NEK1: variants seen among roughly 807,000 people sequenced by gnomAD.
NEK1 encodes the protein NIMA related kinase 1, also known as serine/threonine-protein kinase Nek1.
In NEK1, 137 loss-of-function variants were observed where a neutral mutation model predicts 182.1. The observed-to-expected ratio is 0.75, with a 90% CI of 0.65 to 0.87. NEK1 has a LOEUF of 0.87. Among genes scored for constraint, NEK1 ranks in the 40% least tolerant of loss-of-function variants. The pLI is 0.00. For synonymous variants in NEK1, 513 were observed against 492.2 expected, an observed-to-expected ratio of 1.04 and a Z score of -0.56; for missense variants, 1,391 against 1,494.4, an observed-to-expected ratio of 0.93 and a Z score of 1.14.
At chr4:169,480,669 G>C (rs1747826360) in intron 23 of NEK1, among the ~76,000 whole-genome samples, 1 of 152,148 alleles carries the variant, frequency 6.6e-6, no homozygotes, top group South Asian at 2.1e-4. Context: ...CTTAAAATAA[G>C]ACAAAAATGA....
chr4:169,494,162 A>G (rs1376504834), intron 23 of NEK1, among the ~76,000 whole-genome samples: 2 of 151,492 alleles, frequency 1.3e-5, no homozygotes, highest in African/African-American at 4.9e-5. Flanking sequence ...GGTTTGTTAC[A>G]TATGTATACA....
intron 19 of NEK1, among the ~76,000 whole-genome samples, chr4:169,518,291 G>T (rs1213677829): frequency 1.5e-4 from 5 of 34,088 alleles, no homozygotes; most frequent in Non-Finnish European, 2.4e-4. Context: ...GTTTATTTGC[G>T]TAGAGGTGTT....
intron 31 of NEK1, among the ~76,000 whole-genome samples, chr4:169,420,397 A>G (rs1735285900): frequency 6.6e-6 from 1 of 152,228 alleles, no homozygotes; most frequent in Non-Finnish European, 1.5e-5. Flanking sequence ...CATGCAGTCA[A>G]TTATTATTGT....
In NEK1 at chr4:169,479,499, AG is replaced by A. The variant is rs774874735; in HGVS notation, c.2042del (p.Ser681PhefsTer18). The A allele has an allele frequency of 6.2e-7, 1 of 1,610,832 alleles. No homozygotes were observed. The highest frequency in any genetic ancestry group is 1.7e-5 in the Admixed American group (1 of 59,754). On this transcript the variant is annotated frameshift_variant, in exon 24 of 36. Coordinates refer to ENST00000507142, the MANE Select transcript of NEK1 (RefSeq NM_001199397.3). LOFTEE classifies it high-confidence loss of function. ...VAKGVKSSDV[S>X]PPLGQHETGG... ...CTGTTTCATGCTGTCCCAAAGGTGG[AG>A]AAACATCAGAACTCTTAACTCCTTT...
At chr4:169,514,258 G>T (rs1323956679) in intron 19 of NEK1, among the ~76,000 whole-genome samples, 1 of 152,118 alleles carries the variant, frequency 6.6e-6, no homozygotes, top group Admixed American at 6.5e-5. Context: ...AAAGTGCTGG[G>T]ATTACAGGCG....
In NEK1 at chr4:169,424,750, C is replaced by A; in HGVS notation, c.3025G>T (p.Val1009Leu). ...TTATGGAAAAATGGTTCCGGTTGCA[C>A]AGACTTATCTACATCACATTTAGAG... ...QHSKCDVDKS[V>L]QPEPFFHKVV... Residue 1009 changes from valine (V) to leucine (L), a missense_variant, in exon 31 of 36, where the codon GTG (valine) becomes TTG (leucine). By Grantham distance (32) the Val-to-Leu change is conservative. Coordinates refer to ENST00000507142, the MANE Select transcript of NEK1 (RefSeq NM_001199397.3). 2 of 1,613,844 alleles carry A rather than the reference C, an allele frequency of 1.2e-6. No individual in the cohort carries two copies. Among genetic ancestry groups the A allele is most frequent in the Non-Finnish European group, 1.7e-6 (2 of 1,179,782 alleles).
intron 31 of NEK1, among the ~76,000 whole-genome samples, chr4:169,420,303 C>G (rs943728767): frequency 6.6e-6 from 1 of 152,064 alleles, no homozygotes; most frequent in African/African-American, 2.4e-5. Flanking sequence ...TGCCTGAGGC[C>G]GTTTTACAGT....
At chr4:169,568,868 C>T (rs558081613) in intron 12 of NEK1, among the ~76,000 whole-genome samples, 6 of 146,376 alleles carry the variant, frequency 4.1e-5, no homozygotes, top group African/African-American at 1.0e-4. Context: ...ACCTGGGAGG[C>T]AGAGGTTGCA....
chr4:169,443,024 G>A (rs1433852105), intron 27 of NEK1, among the ~76,000 whole-genome samples: 1 of 151,610 alleles, frequency 6.6e-6, no homozygotes, highest in Non-Finnish European at 1.5e-5. Context: ...ATGGCAGACA[G>A]CCTGTCTCTA....
chr4:169,471,518 C>T (rs760350678), intron 26 of NEK1, among the ~76,000 whole-genome samples: 3 of 152,216 alleles, frequency 2.0e-5, no homozygotes, highest in South Asian at 4.1e-4. Flanking sequence ...GAGAGGCACC[C>T]GCCAGATGCC....
intron 5 of NEK1, among the ~76,000 whole-genome samples, chr4:169,598,446 A>AG (rs1482530503): frequency 1.3e-5 from 2 of 152,042 alleles, no homozygotes; most frequent in African/African-American, 4.8e-5. Context: ...ACTTGAACTG[A>AG]GCTTAAAAAA....
rs529949162 is a variant in NEK1, at chr4:169,557,767, T to G, written c.1267-1672A>C. Reference sequence around the variant, plus strand: ...GGGCAAATTGGCGAAACAACATCCCTGCAAATACAAAAAATTAGCCGGGCG... The same window carrying G: ...GGGCAAATTGGCGAAACAACATCCCGGCAAATACAAAAAATTAGCCGGGCG... On this transcript the variant is annotated intron_variant, in intron 16 of 35. Coordinates refer to ENST00000507142, the MANE Select transcript of NEK1 (RefSeq NM_001199397.3). 5.3e-5 allele frequency among the ~76,000 whole-genome samples: 8 copies of G among 152,032 alleles called. No individual in the cohort carries two copies. The South Asian group carries it at 6.2e-4, about 12-fold the overall frequency.
At chr4:169,562,109 TA>T in intron 13 of NEK1, 27 bp downstream of exon 13, 1 of 1,461,434 alleles carries the variant, frequency 6.8e-7, no homozygotes, top group Non-Finnish European at 9.3e-7. Flanking sequence ...TGCAAAGCTT[TA>T]AAATAACCAG....
At chr4:169,471,650 G>A (rs991558727) in intron 26 of NEK1, among the ~76,000 whole-genome samples, 3 of 152,164 alleles carry the variant, frequency 2.0e-5, no homozygotes, top group East Asian at 3.9e-4. Flanking sequence ...GATCTTGAGC[G>A]CTGTGGTGAG....
intron 19 of NEK1, among the ~76,000 whole-genome samples, chr4:169,532,982 G>GAGT (rs1470489928): frequency 6.6e-6 from 1 of 151,862 alleles, no homozygotes; most frequent in African/African-American, 2.4e-5. Context: ...GAAAAAAAAA[G>GAGT]AGTAGCTCCT....
At chr4:169,465,202 A>AC (rs1744695999) in intron 26 of NEK1, among the ~76,000 whole-genome samples, 2 of 152,246 alleles carry the variant, frequency 1.3e-5, no homozygotes, top group East Asian at 3.9e-4. Context: ...CCAGAAATAG[A>AC]CCCATAACTT....
At chr4:169,424,949 C>T in intron 30 of NEK1, 149 bp from the exon 31 acceptor site, 1 of 657,910 alleles carries the variant, frequency 1.5e-6, no homozygotes, top group African/African-American at 1.8e-5. Context: ...CAGTATATTA[C>T]CTTCTGAATA....
At chr4:169,427,526 ACT>A (rs571276108) in intron 29 of NEK1, among the ~76,000 whole-genome samples, 88 of 151,600 alleles carry the variant, frequency 5.8e-4, no homozygotes, top group Middle Eastern at 3.4e-3. Context: ...AGAGAGTCTC[ACT>A]CTGCCACCCA....
intron 18 of NEK1, among the ~76,000 whole-genome samples, chr4:169,550,695 T>G (rs1485827397): frequency 6.6e-6 from 1 of 152,254 alleles, no homozygotes; most frequent in Non-Finnish European, 1.5e-5. Context: ...AGAGTTAGAC[T>G]CCTGGATCCA....
Sources: allele counts gnomAD v4.1 joint callset (sites outside exome capture counted in the v4.1 genomes callset), GRCh38; gene constraint gnomAD v4.1.1; transcripts MANE v1.5; gene names NCBI Gene and HGNC (gene_info 2026-07-23, HGNC 2026-07-21).